PKIB: variants seen among roughly 807,000 people sequenced by gnomAD.
PKIB encodes the protein PKI-beta.
A neutral mutation model predicts 4.5 loss-of-function variants in PKIB; 2 were observed. The observed-to-expected ratio is 0.44, with a 90% CI of 0.18 to 1.39. PKIB has a LOEUF of 1.39. Among genes scored for constraint, PKIB ranks in the 40% most tolerant of loss-of-function variants. The pLI is 0.27. For synonymous variants in PKIB, 38 were observed against 36.0 expected, an observed-to-expected ratio of 1.06 and a Z score of -0.20; for missense variants, 94 against 92.6, an observed-to-expected ratio of 1.02 and a Z score of -0.06.
At chr6:122,491,576 T>A (rs1258969786) in intron 2 of PKIB, among the ~76,000 whole-genome samples, 5 of 152,180 alleles carry the variant, frequency 3.3e-5, no homozygotes, top group African/African-American at 9.7e-5. Flanking sequence ...ACGTGTGGCC[T>A]TGGGCAAACC....
At chr6:122,652,326 GTGTGTGTGGA>G (rs148766523) in intron 2 of PKIB, among the ~76,000 whole-genome samples, 28,046 of 125,914 alleles carry the variant, frequency 0.22, 2,771 homozygotes, top group African/African-American at 0.31. Context: ...GTGTGTGTGT[GTGTGTGTGGA>G]GAGAGAGAGA....
At chr6:122,669,932 C>G (rs1051459944) in intron 2 of PKIB, among the ~76,000 whole-genome samples, 2 of 151,950 alleles carry the variant, frequency 1.3e-5, no homozygotes, top group African/African-American at 4.8e-5. Context: ...GTGGATGAAA[C>G]GCAATGTAAG....
At chr6:122,501,390 A>G (rs1223944394) in intron 2 of PKIB, among the ~76,000 whole-genome samples, 2 of 152,206 alleles carry the variant, frequency 1.3e-5, no homozygotes, top group Non-Finnish European at 2.9e-5. Flanking sequence ...TGGCTCTGCC[A>G]CTGCAGCGGA....
chr6:122,607,862 C>A (rs559370604), upstream of PKIB, among the ~76,000 whole-genome samples: 4 of 152,150 alleles, frequency 2.6e-5, no homozygotes, highest in Non-Finnish European at 2.9e-5. Flanking sequence ...GATCCACTTA[C>A]GTTTTTCCTC....
At chr6:122,553,006 G>A (rs1343339130) in intron 2 of PKIB, among the ~76,000 whole-genome samples, 8 of 151,772 alleles carry the variant, frequency 5.3e-5, no homozygotes, top group South Asian at 2.1e-4. Flanking sequence ...ACTAATCTTC[G>A]TTTATCCCTA....
intron 4 of PKIB, among the ~76,000 whole-genome samples, chr6:122,724,656 A>AT (rs574175994): frequency 0.015 from 2,304 of 151,688 alleles, 58 homozygotes; most frequent in African/African-American, 0.05. Context: ...AACTTTGATT[A>AT]TTTTTTTTTC....
intron 4 of PKIB, among the ~76,000 whole-genome samples, chr6:122,720,861 G>T (rs544420529): frequency 6.6e-6 from 1 of 151,832 alleles, no homozygotes; most frequent in Non-Finnish European, 1.5e-5. Flanking sequence ...ACCACCACAC[G>T]CTGCTAATAT....
chr6:122,571,459 A>G (rs1198759510), intron 2 of PKIB, among the ~76,000 whole-genome samples: 2 of 152,232 alleles, frequency 1.3e-5, no homozygotes, highest in Non-Finnish European at 2.9e-5. Context: ...TAAGCTATCT[A>G]AAGCCAACAT....
At chr6:122,509,521 C>T (rs564521149) in intron 2 of PKIB, among the ~76,000 whole-genome samples, 1 of 151,936 alleles carries the variant, frequency 6.6e-6, no homozygotes, top group South Asian at 2.1e-4. Flanking sequence ...AGCTCTGCCT[C>T]CCAGGTTTGC....
At chr6:122,511,026 C>T (rs960162190) in intron 2 of PKIB, among the ~76,000 whole-genome samples, 4 of 152,042 alleles carry the variant, frequency 2.6e-5, no homozygotes, top group African/African-American at 9.7e-5. Flanking sequence ...AAATCACCTC[C>T]GGAGTCTCCT....
chr6:122,577,574 G>A (rs1270368897), intron 2 of PKIB, among the ~76,000 whole-genome samples: 2 of 151,988 alleles, frequency 1.3e-5, no homozygotes, highest in African/African-American at 2.4e-5. Flanking sequence ...CAGCACTGAG[G>A]GGAAATAAAA....
chr6:122,720,228 T>C (rs1779684328), intron 4 of PKIB, among the ~76,000 whole-genome samples: 3 of 152,324 alleles, frequency 2.0e-5, no homozygotes, highest in African/African-American at 7.2e-5. Context: ...GCAGGAAATC[T>C]AGGATTTCAA....
chr6:122,511,916 C>CT (rs1776598974), intron 2 of PKIB, among the ~76,000 whole-genome samples: 2 of 152,148 alleles, frequency 1.3e-5, no homozygotes, highest in South Asian at 4.1e-4. Context: ...AAAGGAGTGT[C>CT]TTTTTTTCTT....
intron 1 of PKIB, among the ~76,000 whole-genome samples, chr6:122,616,242 C>T (rs1354228277): frequency 6.6e-6 from 1 of 152,096 alleles, no homozygotes; most frequent in Non-Finnish European, 1.5e-5. Flanking sequence ...GTATGTAGAG[C>T]TTCAAAATGT....
intron 2 of PKIB, among the ~76,000 whole-genome samples, chr6:122,670,422 A>G (rs1777410899): frequency 6.6e-6 from 1 of 152,068 alleles, no homozygotes. Flanking sequence ...TATTTCTAAA[A>G]ACTTTTGCTG....
intron 3 of PKIB, among the ~76,000 whole-genome samples, chr6:122,689,044 GTGCTGGGATTACAGGC>G (rs1448849033): frequency 6.6e-6 from 1 of 152,026 alleles, no homozygotes; most frequent in Non-Finnish European, 1.5e-5. Context: ...GCCTCCCAAA[GTGCTGGGATTACAGGC>G]GTGAGCCACC....
At chr6:122,717,171 C>T (rs1009516094) in intron 3 of PKIB, among the ~76,000 whole-genome samples, 3 of 149,712 alleles carry the variant, frequency 2.0e-5, no homozygotes, top group Non-Finnish European at 3.0e-5. Flanking sequence ...TAGTAATTAC[C>T]ATGTCAACCT....
intron 2 of PKIB, among the ~76,000 whole-genome samples, chr6:122,659,298 T>A (rs1776894987): frequency 6.6e-6 from 1 of 152,204 alleles, no homozygotes; most frequent in African/African-American, 2.4e-5. Flanking sequence ...ATGTGGATAC[T>A]CTTTAGAAAG....
chr6:122,687,451 T>A (rs1778138248), intron 3 of PKIB, among the ~76,000 whole-genome samples: 1 of 152,154 alleles, frequency 6.6e-6, no homozygotes. Context: ...GCTATTATTC[T>A]GGTCTTTTGT....
Sources: gnomAD v4.1 joint callset for allele counts (sites outside exome capture counted in the v4.1 genomes callset) on GRCh38, gnomAD v4.1.1 for gene constraint, MANE v1.5 for transcripts, NCBI Gene and HGNC (gene_info 2026-07-23, HGNC 2026-07-21) for gene names.